Variants in PPP1R26 observed in about 807,000 individuals in gnomAD.
The protein encoded by PPP1R26 is 1A6/DRIM (down-regulated in metastasis) interacting protein.
A neutral mutation model predicts 67.6 loss-of-function variants in PPP1R26; 22 were observed. That is an observed-to-expected ratio of 0.33 (90% CI 0.23 to 0.46). The LOEUF (loss-of-function observed/expected upper bound fraction) is 0.46, where lower values mean the gene tolerates loss of function less well. PPP1R26 is among the 20% of genes least tolerant of loss of function. The pLI, the probability that PPP1R26 is intolerant of heterozygous loss-of-function variation, is 1.00. For missense variants in PPP1R26, 1,602 were observed against 1,651.4 expected (o/e 0.97, Z 0.52); for synonymous variants, 729 against 717.2 (o/e 1.02, Z -0.26).
Position 135,486,741 on chromosome 9 carries a change from A to G in PPP1R26, c.2231A>G (p.Asp744Gly). The change falls in exon 4 of 4, where the codon GAC becomes GGC. Residue 744 changes from aspartate (D) to glycine (G), a missense_variant. By Grantham distance (94) the Asp-to-Gly change is moderately conservative. Coordinates refer to ENST00000356818, the MANE Select transcript of PPP1R26 (RefSeq NM_014811.5). The surrounding 1 kb of genome is among the most constrained non-coding windows in gnomAD (Gnocchi z 6.2). ...GGCGGGCTCCGGAGAGACTGGAAAG[A>G]CAGGGGCCCGCCAGTGCTGAAGAGC... ...QLGGLRRDWK[D>G]RGPPVLKSCL... 1 of 1,568,474 alleles carries G rather than the reference A, an allele frequency of 6.4e-7. No individual in the cohort carries two copies. The highest frequency in any genetic ancestry group is 8.6e-7 in the Non-Finnish European group (1 of 1,157,300).
intron 1 of PPP1R26, chr9:135,480,420 C>T (rs528586644): frequency 6.6e-6 from 1 of 152,348 alleles, no homozygotes; most frequent in South Asian, 2.1e-4. Flanking sequence ...TCTCCCGGGC[C>T]CCAAGCTCGC....
rs745550212 is a variant in PPP1R26 at position 135,486,484 on chromosome 9, C to G, written c.1974C>G (p.Asp658Glu). 3 of 1,612,914 alleles carry G rather than the reference C, an allele frequency of 1.9e-6. No individual in the cohort carries two copies. Among genetic ancestry groups the G allele is most frequent in the Non-Finnish European group, 2.5e-6 (3 of 1,179,874 alleles). The change falls in exon 4 of 4, where the codon GAC becomes GAG. Residue 658 changes from aspartate to glutamate, a missense_variant. Asp to Glu is a conservative substitution (Grantham distance 45). Around this residue, in one of 5 missense-constraint regions of PPP1R26, gnomAD observed 680 missense variants for 726.1 expected, o/e 0.94. Transcript: ENST00000356818. The surrounding 1 kb of genome is among the most constrained non-coding windows in gnomAD (Gnocchi z 6.2). ...GGEGTARGPG[D>E]TRMSQGQGKT... ...AGGGCACCGCCAGGGGCCCTGGCGA[C>G]ACTCGCATGTCACAGGGCCAGGGTA...
At chr9:135,482,623 T>A (rs938061183) in intron 1 of PPP1R26, 60 bp from the exon 2 acceptor site, 13 of 395,488 alleles carry the variant, frequency 3.3e-5, no homozygotes, top group Middle Eastern at 1.3e-3. Context: ...AAAAAAAAAA[T>A]TTATCAACTG....
chr9:135,479,427 G>A (rs2119213452), upstream of PPP1R26, among the ~76,000 whole-genome samples: 1 of 151,276 alleles, frequency 6.6e-6, no homozygotes, highest in African/African-American at 2.4e-5. The surrounding 1 kb of genome is among the most constrained non-coding windows in gnomAD (Gnocchi z 5.9). Context: ...GAACTTCCCG[G>A]CGACCCCGCG....
Position 135,486,015 on chromosome 9 carries a change from G to A in PPP1R26, c.1505G>A (p.Ser502Asn). ...KTILPAPVEG[S>N]DGSLSASPLF... ...ATCCTGCCGGCCCCTGTAGAGGGCA[G>A]TGACGGGTCCCTGTCCGCAAGCCCA... is the stretch of plus-strand genomic sequence containing the variant. Residue 502 changes from serine (S) to asparagine (N), a missense_variant, in exon 4 of 4, where the codon AGT (serine) becomes AAT (asparagine). By Grantham distance (46) the Ser-to-Asn change is conservative. Around this residue, in one of 5 missense-constraint regions of PPP1R26, gnomAD observed 680 missense variants for 726.1 expected, o/e 0.94. Coordinates refer to ENST00000356818, the MANE Select transcript of PPP1R26 (RefSeq NM_014811.5). The surrounding 1 kb of genome is among the most constrained non-coding windows in gnomAD (Gnocchi z 6.2). The A allele has an allele frequency of 6.2e-7, 1 of 1,613,210 alleles. No homozygotes were observed. Among genetic ancestry groups the A allele is most frequent in the South Asian group, 1.1e-5 (1 of 91,076 alleles).
rs754335260 is a variant in PPP1R26 at position 135,488,158 on chromosome 9, T to G, written c.*18T>G. ...AGGTCTAAGCCCTCGAGCTGTGGGT[T>G]CGCGTCCTGGGTTGCGTGCATTCGT... is the stretch of plus-strand genomic sequence containing the variant. On this transcript the variant is annotated 3_prime_UTR_variant, in exon 4 of 4. Transcript: ENST00000356818. 1 of 1,496,642 alleles carries G rather than the reference T, an allele frequency of 6.7e-7. No homozygotes were observed. Among genetic ancestry groups the G allele is most frequent in the Non-Finnish European group, 8.9e-7 (1 of 1,124,654 alleles). The allele number at this position is 1,496,642 out of a possible 1,614,324, so 92.7% of individuals were successfully genotyped here.
At position 135,487,895 on chromosome 9, in the gene PPP1R26, G is replaced by C; in HGVS notation, c.3385G>C (p.Val1129Leu). ...FREAQAGPSP[V>L]FGSPHLLAKK... is the part of the protein sequence containing the mutation. ...GGAGGCCCAGGCCGGACCCAGCCCT[G>C]TCTTTGGAAGCCCACACTTGCTGGC... The change falls in exon 4 of 4, where the codon GTC (valine) becomes CTC (leucine). Residue 1129 changes from valine (V) to leucine (L), a missense_variant. Around this residue, in one of 5 missense-constraint regions of PPP1R26, gnomAD observed 740 missense variants for 696.3 expected, o/e 1.06. Transcript: ENST00000356818. The C allele has an allele frequency of 6.3e-7, 1 of 1,576,540 alleles. No individual in the cohort carries two copies. Among genetic ancestry groups the C allele is most frequent in the Non-Finnish European group, 8.6e-7 (1 of 1,162,792 alleles).
Position 135,487,079 on chromosome 9 carries a change from G to A in PPP1R26, c.2569G>A (p.Glu857Lys), listed in dbSNP as rs1208511682. 3 of 1,611,514 alleles carry A rather than the reference G, an allele frequency of 1.9e-6. No homozygotes were observed. Among genetic ancestry groups the A allele is most frequent in the Non-Finnish European group, 2.5e-6 (3 of 1,179,982 alleles). The change falls in exon 4 of 4, where the codon GAA (glutamate) becomes AAA (lysine). Residue 857 changes from glutamate (E) to lysine (K), a missense_variant. Around this residue, in one of 5 missense-constraint regions of PPP1R26, gnomAD observed 740 missense variants for 696.3 expected, o/e 1.06. Coordinates refer to ENST00000356818, the MANE Select transcript of PPP1R26 (RefSeq NM_014811.5). ...EKAKESVSSS[E>K]VQAEGPTALG... ...GGCCAAGGAGTCAGTGAGCAGTTCAGAAGTTCAGGCAGAGGGCCCCACCGC... is the reference window on the plus strand; with the variant it reads ...GGCCAAGGAGTCAGTGAGCAGTTCAAAAGTTCAGGCAGAGGGCCCCACCGC...
chr9:135,487,912 C>G lies in PPP1R26; in HGVS notation c.3402C>G (p.His1134Gln). Reference protein sequence around the residue: ...AGPSPVFGSPHLLAKKDGGPW... With the variant: ...AGPSPVFGSPQLLAKKDGGPW... Reference sequence around the variant, plus strand: ...CCAGCCCTGTCTTTGGAAGCCCACACTTGCTGGCAAAGAAGGACGGCGGCC... The same window carrying G: ...CCAGCCCTGTCTTTGGAAGCCCACAGTTGCTGGCAAAGAAGGACGGCGGCC... Residue 1134 changes from histidine to glutamine, a missense_variant, in exon 4 of 4, where the codon CAC (histidine) becomes CAG (glutamine). His to Gln is a conservative substitution (Grantham distance 24, BLOSUM62 0). Transcript: ENST00000356818. 2 of 1,575,996 alleles carry G rather than the reference C, an allele frequency of 1.3e-6. No individual in the cohort carries two copies. Among genetic ancestry groups the G allele is most frequent in the Non-Finnish European group, 1.7e-6 (2 of 1,162,036 alleles).
rs775456658 is a variant in PPP1R26, at chr9:135,484,977, A to C, written c.467A>C (p.Gln156Pro). 1 of 1,579,236 alleles carries C rather than the reference A, an allele frequency of 6.3e-7. No homozygotes were observed. The highest frequency in any genetic ancestry group is 8.6e-7 in the Non-Finnish European group (1 of 1,163,908). The change falls in exon 4 of 4, where the codon CAG (glutamine) becomes CCG (proline). Residue 156 changes from glutamine to proline, a missense_variant. Physicochemically the swap from Gln to Pro is moderately conservative, Grantham distance 76. Coordinates refer to ENST00000356818, the MANE Select transcript of PPP1R26 (RefSeq NM_014811.5). ...GCACAGCCCGGGGCCGGCGGGGCCC[A>C]GCCAGGTGCAGCCCAGCCTTCCAGG... ...GAAQPGAGGA[Q>P]PGAAQPSRAA...
chr9:135,485,983 C>T lies in PPP1R26; in HGVS notation c.1473C>T (p.Ser491=). 1 of 1,613,204 alleles carries T rather than the reference C, an allele frequency of 6.2e-7. No individual in the cohort carries two copies. The highest frequency in any genetic ancestry group is 8.5e-7 in the Non-Finnish European group (1 of 1,180,020). The change falls in exon 4 of 4, where the codon TCC becomes TCT. Residue 491 remains serine (S), a synonymous_variant. Coordinates refer to ENST00000356818, the MANE Select transcript of PPP1R26 (RefSeq NM_014811.5). This position sits in a 1 kb window ranked among gnomAD's most constrained non-coding sequence, Gnocchi z 7.2. ...LMCAEAILDI[S]KTILPAPVEG... ...GTGCAGAAGCAATCCTGGACATCTC[C>T]AAGACGATCCTGCCGGCCCCTGTAG...
At chr9:135,483,566 G>C (rs997808945) in intron 2 of PPP1R26, 1 of 157,302 alleles carries the variant, frequency 6.4e-6, no homozygotes, top group African/African-American at 2.4e-5. Context: ...GGGTATCAGA[G>C]CAATGTGTTA....
chr9:135,479,425 C>T (rs867170762), upstream of PPP1R26, among the ~76,000 whole-genome samples: 1 of 151,310 alleles, frequency 6.6e-6, no homozygotes, highest in African/African-American at 2.4e-5. This position sits in a 1 kb window ranked among gnomAD's most constrained non-coding sequence, Gnocchi z 5.9. Flanking sequence ...CAGAACTTCC[C>T]GGCGACCCCG....
At chr9:135,482,109 CTTAAGGTAGTAT>C (rs1348185507) in intron 1 of PPP1R26, among the ~76,000 whole-genome samples, 2 of 152,178 alleles carry the variant, frequency 1.3e-5, no homozygotes, top group Admixed American at 1.3e-4. Flanking sequence ...GGCCGGTTTT[CTTAAGGTAGTAT>C]TTAAGGTAGT....
At chr9:135,479,500 G>A (rs1388620991), upstream of PPP1R26, among the ~76,000 whole-genome samples, 2 of 149,252 alleles carry the variant, frequency 1.3e-5, no homozygotes, top group African/African-American at 2.4e-5. The surrounding 1 kb of genome is among the most constrained non-coding windows in gnomAD (Gnocchi z 5.9). Context: ...GGCTCGGCCC[G>A]GCCCAAGCGC....
At chr9:135,482,516 T>A (rs186518846) in intron 1 of PPP1R26, among the ~76,000 whole-genome samples, 167 bp from the exon 2 acceptor site, 35 of 152,366 alleles carry the variant, frequency 2.3e-4, no homozygotes, top group Non-Finnish European at 3.5e-4. Context: ...TCTTAATACA[T>A]TAAGTTAAAT....
Position 135,485,542 on chromosome 9 carries a change from A to C in PPP1R26, c.1032A>C (p.Ala344=), listed in dbSNP as rs1295858482. 6.2e-7 allele frequency: 1 copy of C among 1,613,130 alleles called. No homozygotes were observed. The highest frequency in any genetic ancestry group is 2.2e-5 in the East Asian group (1 of 44,878). The stretch of plus-strand genomic sequence containing the variant: ...GGATCAAAAGGAGCGCCAGCGCTGC[A>C]AGGAGGGGAAAGCGAGTCATGAGTG... ...KGGIKRSASA[A]RRGKRVMSAA... The change falls in exon 4 of 4, where the codon GCA becomes GCC. Residue 344 remains alanine (A), a synonymous_variant. Transcript: ENST00000356818. The surrounding 1 kb of genome is among the most constrained non-coding windows in gnomAD (Gnocchi z 7.2).
chr9:135,487,073 A>G lies in PPP1R26; in HGVS notation c.2563A>G (p.Ser855Gly), dbSNP rs745775284. ...GGAAAAGGCCAAGGAGTCAGTGAGC[A>G]GTTCAGAAGTTCAGGCAGAGGGCCC... is the stretch of plus-strand genomic sequence containing the variant. The part of the protein sequence containing the change: ...LAEKAKESVS[S>G]SEVQAEGPTA... The change falls in exon 4 of 4, where the codon AGT (serine) becomes GGT (glycine). Residue 855 changes from serine (S) to glycine (G), a missense_variant. Ser to Gly is a moderately conservative substitution (Grantham distance 56). This residue lies in a region of PPP1R26 where 740 missense variants were observed against 696.3 expected (regional missense o/e 1.06). Coordinates refer to ENST00000356818, the MANE Select transcript of PPP1R26 (RefSeq NM_014811.5). 1.9e-6 allele frequency: 3 copies of G among 1,611,294 alleles called. No homozygotes were observed. In the African/African-American group the frequency reaches 4.0e-5, roughly 22 times the overall value.
At position 135,482,689 on chromosome 9, in the gene PPP1R26, G is replaced by C. The variant is rs766964180; in HGVS notation, c.-322G>C. 5.0e-6 allele frequency: 2 copies of C among 398,514 alleles called. No homozygotes were observed. The highest frequency in any genetic ancestry group is 8.8e-6 in the Non-Finnish European group (2 of 226,056). 24.7% of individuals were successfully genotyped at this position (398,514 alleles called of 1,614,324 possible). On this transcript the variant is annotated 5_prime_UTR_variant, in exon 2 of 4. Coordinates refer to ENST00000356818, the MANE Select transcript of PPP1R26 (RefSeq NM_014811.5). ...TTCTCTTTGATTCTGGTAGTCAAAAGTCTATTGAAAAAGCAGAGAGAGAAT... is the reference window on the plus strand; with the variant it reads ...TTCTCTTTGATTCTGGTAGTCAAAACTCTATTGAAAAAGCAGAGAGAGAAT...
Sources: gnomAD v4.1 joint callset for allele counts (sites outside exome capture counted in the v4.1 genomes callset) on GRCh38, gnomAD v4.1.1 for gene constraint, gnomAD v4.1.1 regional missense constraint, Gnocchi (gnomAD v3.1) non-coding constraint, MANE v1.5 for transcripts, NCBI Gene and HGNC (gene_info 2026-07-23, HGNC 2026-07-21) for gene names.